Variants in APEH observed in about 807,000 individuals in gnomAD.
The protein encoded by APEH is acylaminoacyl-peptide hydrolase, also known as acylamino-acid-releasing enzyme.
In APEH, 75 loss-of-function variants were observed where a neutral mutation model predicts 102.7. The observed-to-expected ratio is 0.73, with a 90% CI of 0.61 to 0.89. The LOEUF (loss-of-function observed/expected upper bound fraction) is 0.89, where lower values mean the gene tolerates loss of function less well. APEH is among the 40% of genes least tolerant of loss of function. APEH has a pLI of 0.00. For missense variants in APEH, 863 were observed against 941.2 expected (o/e 0.92, Z 1.09); for synonymous variants, 344 against 362.7 (o/e 0.95, Z 0.59).
chr3:49,674,435 C>T, intron 1 of APEH, 22 bp downstream of exon 1: 1 of 1,573,254 alleles, frequency 6.4e-7, no homozygotes, highest in Non-Finnish European at 8.6e-7. Flanking sequence ...GCCCGCGGTC[C>T]CCGTGGTCCC....
rs1326963446 is a variant in APEH at position 49,683,142 on chromosome 3, G to A, written c.2089G>A (p.Val697Ile). ...YRALKTRNVP[V>I]RLLLYPKSTH... ...TGCCCTCAAGACCCGGAATGTGCCT[G>A]TTCGGTGAGTGCAGCATGAAGGCCC... is the stretch of plus-strand genomic sequence containing the variant. Residue 697 changes from valine to isoleucine, a missense_variant, in exon 21 of 22, where the codon GTT becomes ATT. Physicochemically the swap from Val to Ile is conservative, Grantham distance 29. Coordinates refer to ENST00000296456, the MANE Select transcript of APEH (RefSeq NM_001640.4). 1.2e-6 allele frequency: 2 copies of A among 1,613,904 alleles called. No individual in the cohort carries two copies. Among genetic ancestry groups the A allele is most frequent in the African/African-American group, 1.3e-5 (1 of 74,932 alleles).
At chr3:49,678,984 T>C (rs1222332210) in intron 12 of APEH, 35 bp downstream of exon 12, 1 of 1,572,644 alleles carries the variant, frequency 6.4e-7, no homozygotes, top group South Asian at 1.1e-5. Context: ...GGGCAGCCCC[T>C]GTGGTCAACC....
In APEH at chr3:49,674,357, G is replaced by A; in HGVS notation, c.-45G>A. The A allele has an allele frequency of 2.6e-6, 4 of 1,542,596 alleles. No homozygotes were observed. Among genetic ancestry groups the A allele is most frequent in the Non-Finnish European group, 3.5e-6 (4 of 1,150,924 alleles). ...CTCCGCCCCCGGAAGCCTCACTTCC[G>A]GGCGCGAGCACGCCCCGCCTCGCCC... On this transcript the variant is annotated 5_prime_UTR_variant, in exon 1 of 22. Coordinates refer to ENST00000296456, the MANE Select transcript of APEH (RefSeq NM_001640.4).
chr3:49,676,881 C>T, intron 9 of APEH, 22 bp from the exon 10 acceptor site: 1 of 1,614,258 alleles, frequency 6.2e-7, no homozygotes, highest in Non-Finnish European at 8.5e-7. Flanking sequence ...CTGCGTGATG[C>T]TCATGTTTCC....
intron 14 of APEH, 95 bp downstream of exon 14, chr3:49,680,724 G>T: frequency 8.6e-7 from 1 of 1,163,744 alleles, no homozygotes; most frequent in Non-Finnish European, 1.3e-6. Context: ...TGACCTGGCT[G>T]GTCAGCATAC....
rs1400975025 is a variant in APEH, at chr3:49,675,880, G to T, written c.367-11G>T. ...TAGCGGGCAAACAGCCTAATGCCCA[G>T]ATGTCCTCAGGTCTGGGAGAAGAAC... On this transcript the variant is annotated splice_polypyrimidine_tract_variant and intron_variant, in intron 4 of 21. Coordinates refer to ENST00000296456, the MANE Select transcript of APEH (RefSeq NM_001640.4). 1 of 1,614,068 alleles carries T rather than the reference G, an allele frequency of 6.2e-7. No individual in the cohort carries two copies. Among genetic ancestry groups the T allele is most frequent in the Admixed American group, 1.7e-5 (1 of 60,008 alleles).
At chr3:49,681,296 C>T in intron 15 of APEH, 57 bp downstream of exon 15, 1 of 1,466,660 alleles carries the variant, frequency 6.8e-7, no homozygotes, top group African/African-American at 1.4e-5. Flanking sequence ...CACAAAGCCT[C>T]TGCGGTGACC....
chr3:49,680,750 C>T (rs1409483962), intron 14 of APEH, 121 bp downstream of exon 14: 1 of 899,674 alleles, frequency 1.1e-6, no homozygotes. Flanking sequence ...GGCCAAGACA[C>T]AGGCCCAGCT....
At chr3:49,677,117 C>G (rs992381793) in intron 10 of APEH, 93 bp downstream of exon 10, 1 of 1,553,576 alleles carries the variant, frequency 6.4e-7, no homozygotes, top group Non-Finnish European at 8.8e-7. Flanking sequence ...CCCCATAGGC[C>G]CTCAGTAGGT....
In APEH at chr3:49,677,028, A is replaced by G; in HGVS notation, c.999+4A>G. 1 of 1,613,926 alleles carries G rather than the reference A, an allele frequency of 6.2e-7. No individual in the cohort carries two copies. Among genetic ancestry groups the G allele is most frequent in the Non-Finnish European group, 8.5e-7 (1 of 1,179,992 alleles). On this transcript the variant is annotated splice_donor_region_variant and intron_variant, in intron 10 of 21. Transcript: ENST00000296456. ...CCAATGCAGCCAGCTGTGCCTGGTGAGCTGGAGGTGGCAGGGATGGGAGGG... is the reference window on the plus strand; with the variant it reads ...CCAATGCAGCCAGCTGTGCCTGGTGGGCTGGAGGTGGCAGGGATGGGAGGG...
chr3:49,675,190 C>G lies in APEH; in HGVS notation c.153C>G (p.Thr51=). 1 of 1,613,940 alleles carries G rather than the reference C, an allele frequency of 6.2e-7. No individual in the cohort carries two copies. The change falls in exon 3 of 22, where the codon ACC becomes ACG. Residue 51 remains threonine, a synonymous_variant. Coordinates refer to ENST00000296456, the MANE Select transcript of APEH (RefSeq NM_001640.4). ...TCATGCCTCCCCTCACAGAGTGGAC[C>G]CAGAGGGACCTGGAACGCATGGAGA... The part of the protein sequence containing the change: ...GQYRTVHTEW[T]QRDLERMENI...
At position 49,681,871 on chromosome 3, in the gene APEH, C is replaced by A. The variant is rs773889204; in HGVS notation, c.1523-16C>A. 1 of 1,613,182 alleles carries A rather than the reference C, an allele frequency of 6.2e-7. No individual in the cohort carries two copies. Reference sequence around the variant, plus strand: ...CTTCCTAGCTGGCCCTTTCACCCTCCGCTCCCTGTCTGCAGGGGGGCCCCA... The same window carrying A: ...CTTCCTAGCTGGCCCTTTCACCCTCAGCTCCCTGTCTGCAGGGGGGCCCCA... On this transcript the variant is annotated splice_polypyrimidine_tract_variant and intron_variant, in intron 16 of 21. Transcript: ENST00000296456.
In APEH at chr3:49,674,412, AGGTGAGGGCTCGGCCCGC is replaced by A. The variant is rs2052916945; in HGVS notation, c.12+3_12+20del. 7 of 1,576,036 alleles carry A rather than the reference AGGTGAGGGCTCGGCCCGC, an allele frequency of 4.4e-6. No individual in the cohort carries two copies. On this transcript the variant is annotated splice_donor_variant and splice_donor_5th_base_variant and coding_sequence_variant and intron_variant, in exon 1 of 22. Coordinates refer to ENST00000296456, the MANE Select transcript of APEH (RefSeq NM_001640.4). LOFTEE classifies it high-confidence loss of function. ...GGCAGAGAGGAGACTATGGAACGTC[AGGTGAGGGCTCGGCCCGC>A]GGTCCCCGTGGTCCCTGCAGCCCGG...
chr3:49,680,711 G>A, intron 14 of APEH, 82 bp downstream of exon 14: 1 of 1,274,770 alleles, frequency 7.8e-7, no homozygotes, highest in Non-Finnish European at 1.1e-6. Context: ...TGGCCCCAGA[G>A]TCTGACCTGG....
rs762561124 is a variant in APEH, at chr3:49,681,760, A to G, written c.1477A>G (p.Ser493Gly). ...TGAAGCAATCCTGCTGCAGCCTGGC[A>G]GCCCTCCAGATAAGACCCAAGTGCC... Reference protein sequence around the residue: ...DFEAILLQPGSPPDKTQVPMV... With the variant: ...DFEAILLQPGGPPDKTQVPMV... The change falls in exon 16 of 22, where the codon AGC becomes GGC. Residue 493 changes from serine to glycine, a missense_variant. Ser to Gly is a moderately conservative substitution (Grantham distance 56, BLOSUM62 0). Transcript: ENST00000296456. 6.8e-6 allele frequency: 11 copies of G among 1,607,132 alleles called. No individual in the cohort carries two copies. The highest frequency in any genetic ancestry group is 9.4e-6 in the Non-Finnish European group (11 of 1,175,722).
In APEH at chr3:49,682,831, G is replaced by A. The variant is rs371536917; in HGVS notation, c.1884-12G>A. ...AGAATTCCTGGGGCTGCAACAGCTCGGTGTCTTGCAGGTGCGTGGTGGAGG... is the reference window on the plus strand; with the variant it reads ...AGAATTCCTGGGGCTGCAACAGCTCAGTGTCTTGCAGGTGCGTGGTGGAGG... On this transcript the variant is annotated splice_polypyrimidine_tract_variant and intron_variant, in intron 19 of 21. Transcript: ENST00000296456. The A allele has an allele frequency of 5.4e-5, 87 of 1,613,860 alleles. No individual in the cohort carries two copies. Among genetic ancestry groups the A allele is most frequent in the African/African-American group, 1.1e-4 (8 of 74,920 alleles).
At chr3:49,681,021 T>C in intron 14 of APEH, 80 bp from the exon 15 acceptor site, 1 of 1,488,058 alleles carries the variant, frequency 6.7e-7, no homozygotes, top group Non-Finnish European at 9.0e-7. Context: ...TAGTGAGAGC[T>C]GCCTATTTCC....
chr3:49,675,217 C>T lies in APEH; in HGVS notation c.180C>T (p.Asn60=). The T allele has an allele frequency of 6.2e-7, 1 of 1,614,076 alleles. No homozygotes were observed. Among genetic ancestry groups the T allele is most frequent in the Non-Finnish European group, 8.5e-7 (1 of 1,179,992 alleles). Residue 60 remains asparagine, a synonymous_variant, in exon 3 of 22, where the codon AAC becomes AAT. Transcript: ENST00000296456. ...WTQRDLERME[N]IRFCRQYLVF... Reference sequence around the variant, plus strand: ...AGAGGGACCTGGAACGCATGGAGAACATTCGATTCTGCCGCCAATACCTGG... The same window carrying T: ...AGAGGGACCTGGAACGCATGGAGAATATTCGATTCTGCCGCCAATACCTGG...
Position 49,676,359 on chromosome 3 carries a change from G to T in APEH, c.607-19G>T. The stretch of plus-strand genomic sequence containing the variant: ...AGGTCCTATAGACAGGCTGGGCATT[G>T]AGTATCTTGTGTTCTCAGGGGGATC... On this transcript the variant is annotated intron_variant, in intron 6 of 21. Coordinates refer to ENST00000296456, the MANE Select transcript of APEH (RefSeq NM_001640.4). 2 of 1,614,054 alleles carry T rather than the reference G, an allele frequency of 1.2e-6. No homozygotes were observed. Among genetic ancestry groups the T allele is most frequent in the African/African-American group, 1.3e-5 (1 of 75,064 alleles).
Sources: allele counts gnomAD v4.1 joint callset, GRCh38; gene constraint gnomAD v4.1.1; transcripts MANE v1.5; gene names NCBI Gene and HGNC (gene_info 2026-07-23, HGNC 2026-07-21).